MEGF9: variants seen among roughly 807,000 people sequenced by gnomAD.
MEGF9 encodes multiple EGF like domains 9.
A neutral mutation model predicts 46.8 loss-of-function variants in MEGF9; 6 were observed. The ratio of observed to expected loss-of-function variants is 0.13; its 90% CI spans 0.07 to 0.25. MEGF9 has a LOEUF of 0.25. Ranked by LOEUF, MEGF9 falls within the 10% of genes least tolerant of loss-of-function variation. The pLI, the probability that MEGF9 is intolerant of heterozygous loss-of-function variation, is 1.00. For missense variants in MEGF9, 683 were observed against 792.4 expected, an observed-to-expected ratio of 0.86 and a Z score of 1.66; for synonymous variants, 302 against 330.7, an observed-to-expected ratio of 0.91 and a Z score of 0.94.
intron 1 of MEGF9, among the ~76,000 whole-genome samples, chr9:120,662,707 G>C (rs1433730097): frequency 1.3e-5 from 2 of 152,216 alleles, no homozygotes; most frequent in Non-Finnish European, 2.9e-5. Context: ...GAAAAAAGTA[G>C]AAAGTGGTAT....
intron 1 of MEGF9, among the ~76,000 whole-genome samples, chr9:120,711,838 CATACAT>C (rs796737702): frequency 4.9e-5 from 5 of 102,492 alleles, no homozygotes; most frequent in African/African-American, 1.6e-4. Context: ...TCTATACATA[CATACAT>C]ACACACACAC....
At chr9:120,623,614 T>C (rs2043511410) in intron 2 of MEGF9, among the ~76,000 whole-genome samples, 1 of 152,146 alleles carries the variant, frequency 6.6e-6, no homozygotes, top group Non-Finnish European at 1.5e-5. Context: ...CATGAATCTA[T>C]GAATCTTAAG....
At chr9:120,658,819 G>T (rs2043689038) in intron 2 of MEGF9, among the ~76,000 whole-genome samples, 1 of 152,140 alleles carries the variant, frequency 6.6e-6, no homozygotes, top group Non-Finnish European at 1.5e-5. Flanking sequence ...TAACATAATA[G>T]TTTAAAGATA....
chr9:120,657,253 A>G (rs1340358025), intron 2 of MEGF9, among the ~76,000 whole-genome samples: 1 of 152,252 alleles, frequency 6.6e-6, no homozygotes, highest in Non-Finnish European at 1.5e-5. Context: ...CTAGGCCTTT[A>G]GATTACTAGT....
chr9:120,679,659 C>G (rs1214936470), intron 1 of MEGF9, among the ~76,000 whole-genome samples: 1 of 151,882 alleles, frequency 6.6e-6, no homozygotes, highest in African/African-American at 2.4e-5. Flanking sequence ...GAGACTCTGG[C>G]CAGCGCAGTG....
chr9:120,637,568 T>G (rs1587980533), intron 2 of MEGF9, among the ~76,000 whole-genome samples: 1 of 147,174 alleles, frequency 6.8e-6, no homozygotes, highest in Admixed American at 6.8e-5. Context: ...CCGAGGTGGG[T>G]AGATTATGAG....
At chr9:120,613,960 A>G (rs796742765) in intron 3 of MEGF9, among the ~76,000 whole-genome samples, 41 of 152,324 alleles carry the variant, frequency 2.7e-4, no homozygotes, top group African/African-American at 9.6e-4. Context: ...AACTGAAGCA[A>G]AACTTGAAAA....
chr9:120,638,842 G>GGT (rs1019975797), intron 2 of MEGF9, among the ~76,000 whole-genome samples: 6 of 152,062 alleles, frequency 3.9e-5, no homozygotes, highest in African/African-American at 1.4e-4. Flanking sequence ...TTAGAGATGG[G>GGT]GTCTCACTGT....
In MEGF9 at chr9:120,601,931, A is replaced by G. The variant is rs940287074; in HGVS notation, c.*3259T>C. ...GCAGTATCTGTAATTTCCAAATAAG[A>G]TTCACATCAGTGCTATCTTATTTAA... On this transcript the variant is annotated 3_prime_UTR_variant, in exon 6 of 6. Transcript: ENST00000373930. The G allele has an allele frequency of 1.3e-5, 2 of 152,186 alleles. No individual in the cohort carries two copies. The highest frequency in any genetic ancestry group is 2.4e-5 in the African/African-American group (1 of 41,462). 9.4% of individuals were successfully genotyped at this position (152,186 alleles called of 1,614,324 possible).
chr9:120,713,821 T>C lies in MEGF9; in HGVS notation c.538A>G (p.Ser180Gly). The C allele has an allele frequency of 7.7e-7, 1 of 1,294,942 alleles. No individual in the cohort carries two copies. Among genetic ancestry groups the C allele is most frequent in the Non-Finnish European group, 9.8e-7 (1 of 1,021,620 alleles). 80.2% of individuals were successfully genotyped at this position (1,294,942 alleles called of 1,614,324 possible). Reference protein sequence around the residue: ...PRTPTPDLPSSSNSSVLPTPP... With the variant: ...PRTPTPDLPSGSNSSVLPTPP... Reference sequence around the variant, plus strand: ...GTGGGGAGGACGCTGCTGTTGCTGCTGCTGGGGAGATCGGGGGTCGGGGTC... The same window carrying C: ...GTGGGGAGGACGCTGCTGTTGCTGCCGCTGGGGAGATCGGGGGTCGGGGTC... The change falls in exon 1 of 6, where the codon AGC (serine) becomes GGC (glycine). Residue 180 changes from serine (S) to glycine (G), a missense_variant. Ser to Gly is a moderately conservative substitution (Grantham distance 56, BLOSUM62 0). Transcript: ENST00000373930.
chr9:120,627,011 G>C (rs994729402), intron 2 of MEGF9, among the ~76,000 whole-genome samples: 1 of 152,016 alleles, frequency 6.6e-6, no homozygotes, highest in African/African-American at 2.4e-5. Flanking sequence ...GCAAAGACAG[G>C]GAAGACTAAG....
chr9:120,683,600 C>A (rs1274355649), intron 1 of MEGF9, among the ~76,000 whole-genome samples: 1 of 152,206 alleles, frequency 6.6e-6, no homozygotes, highest in African/African-American at 2.4e-5. Flanking sequence ...GAGGCCTCCC[C>A]AGGCATGTGG....
intron 2 of MEGF9, among the ~76,000 whole-genome samples, chr9:120,644,699 C>A (rs1166269099): frequency 6.6e-6 from 1 of 152,144 alleles, no homozygotes; most frequent in African/African-American, 2.4e-5. Context: ...TTTATCCTTA[C>A]AAGACAGTAA....
At chr9:120,655,460 G>A (rs988046102) in intron 2 of MEGF9, among the ~76,000 whole-genome samples, 6 of 152,142 alleles carry the variant, frequency 3.9e-5, no homozygotes, top group Admixed American at 3.3e-4. Context: ...ATTCTATGAT[G>A]CTGTGTGACA....
intron 2 of MEGF9, among the ~76,000 whole-genome samples, chr9:120,633,184 A>T (rs538207628): frequency 6.6e-6 from 1 of 152,196 alleles, no homozygotes; most frequent in Admixed American, 6.5e-5. Context: ...TCTTCTTCAT[A>T]TGTTTGGTAG....
At chr9:120,684,006 A>C (rs1297374780) in intron 1 of MEGF9, among the ~76,000 whole-genome samples, 1 of 152,242 alleles carries the variant, frequency 6.6e-6, no homozygotes, top group Non-Finnish European at 1.5e-5. Flanking sequence ...TAAGATAGTT[A>C]CAACCTTTAC....
chr9:120,615,956 GT>G (rs2043470634), intron 3 of MEGF9, among the ~76,000 whole-genome samples: 1 of 152,042 alleles, frequency 6.6e-6, no homozygotes, highest in South Asian at 2.1e-4. Context: ...ATTAATCACT[GT>G]TTACATTGCT....
intron 2 of MEGF9, among the ~76,000 whole-genome samples, chr9:120,653,377 TA>T (rs200849699): frequency 0.012 from 1,714 of 145,942 alleles, 18 homozygotes; most frequent in Middle Eastern, 0.021. Context: ...TTATTTTATT[TA>T]TTTTTTTTTT....
In MEGF9 at chr9:120,688,212, T is replaced by G. The variant is rs150025558; in HGVS notation, c.601+25546A>C. 2.1e-3 allele frequency among the ~76,000 whole-genome samples: 318 copies of G among 150,970 alleles called. 1 individual carries two copies. Among genetic ancestry groups the G allele is most frequent in the African/African-American group, 7.3e-3 (299 of 41,036 alleles). On this transcript the variant is annotated intron_variant, in intron 1 of 5. Coordinates refer to ENST00000373930, the MANE Select transcript of MEGF9 (RefSeq NM_001080497.3). The stretch of plus-strand genomic sequence containing the variant: ...TCTCTTAGGGCTTCAGAGATCAAGT[T>G]AGGAGATTTGAAGGTCAGATTCAAG...
Sources: gnomAD v4.1 joint callset for allele counts (sites outside exome capture counted in the v4.1 genomes callset) on GRCh38, gnomAD v4.1.1 for gene constraint, MANE v1.5 for transcripts, NCBI Gene and HGNC (gene_info 2026-07-23, HGNC 2026-07-21) for gene names.